GRM8: variants seen among roughly 807,000 people sequenced by gnomAD.
GRM8 encodes glutamate metabotropic receptor 8.
GRM8 carries 47 observed loss-of-function variants against 87.2 expected under a neutral mutation model. The observed-to-expected ratio is 0.54, with a 90% CI of 0.43 to 0.69. The LOEUF is 0.69. Among genes scored for constraint, GRM8 ranks in the 30% least tolerant of loss-of-function variants. GRM8 has a pLI of 0.00. For synonymous variants in GRM8, 396 were observed against 404.5 expected, an observed-to-expected ratio of 0.98 and a Z score of 0.25; for missense variants, 1,019 against 1,139.2, an observed-to-expected ratio of 0.89 and a Z score of 1.52.
At chr7:126,886,041 C>A (rs1434530435) in intron 6 of GRM8, among the ~76,000 whole-genome samples, 5 of 152,024 alleles carry the variant, frequency 3.3e-5, no homozygotes, top group African/African-American at 1.2e-4. Context: ...CACAGATAAC[C>A]CAGGTAACTG....
At chr7:126,519,807 A>C (rs1812709047) in intron 9 of GRM8, among the ~76,000 whole-genome samples, 1 of 152,150 alleles carries the variant, frequency 6.6e-6, no homozygotes, top group African/African-American at 2.4e-5. Context: ...TTCTAAAATA[A>C]GCATCTTAAA....
intron 8 of GRM8, among the ~76,000 whole-genome samples, chr7:126,542,326 C>G (rs1214194162): frequency 6.6e-6 from 1 of 152,168 alleles, no homozygotes; most frequent in Non-Finnish European, 1.5e-5. Context: ...ACTGTACATA[C>G]AGAAAGGAAT....
intron 6 of GRM8, among the ~76,000 whole-genome samples, chr7:126,885,555 A>C (rs1800411478): frequency 6.6e-6 from 1 of 152,164 alleles, no homozygotes. Context: ...CCTGGGAAAC[A>C]GAACACAGGA....
intron 9 of GRM8, among the ~76,000 whole-genome samples, chr7:126,454,505 TA>T (rs1429844344): frequency 1.5e-5 from 2 of 133,398 alleles, no homozygotes; most frequent in Non-Finnish European, 3.2e-5. Flanking sequence ...TTAAAAGTGC[TA>T]TTTTTTTTTT....
chr7:126,773,430 A>G (rs1215764632), intron 6 of GRM8, among the ~76,000 whole-genome samples: 2 of 152,102 alleles, frequency 1.3e-5, no homozygotes, highest in African/African-American at 4.8e-5. Context: ...CAACCCATGG[A>G]ATTCATGTAA....
At chr7:126,762,581 A>G (rs1157942637) in intron 7 of GRM8, among the ~76,000 whole-genome samples, 2 of 152,154 alleles carry the variant, frequency 1.3e-5, no homozygotes, top group African/African-American at 4.8e-5. Context: ...GTATTCAGGC[A>G]TGTTATAATC....
intron 6 of GRM8, among the ~76,000 whole-genome samples, chr7:126,803,157 T>G (rs921968313): frequency 6.6e-6 from 1 of 152,228 alleles, no homozygotes; most frequent in African/African-American, 2.4e-5. Context: ...GGCTTTTCAT[T>G]GTAAATGTTT....
intron 9 of GRM8, among the ~76,000 whole-genome samples, chr7:126,521,063 A>T (rs1454016811): frequency 6.6e-6 from 1 of 152,124 alleles, no homozygotes; most frequent in African/African-American, 2.4e-5. Context: ...CTATCTACCA[A>T]TACTATTTTC....
At chr7:126,604,226 T>C (rs76729771) in intron 8 of GRM8, among the ~76,000 whole-genome samples, 1 of 152,234 alleles carries the variant, frequency 6.6e-6, no homozygotes. Flanking sequence ...CAAAATTCCA[T>C]CAGAAAGTTT....
At chr7:126,675,056 C>T (rs578017581) in intron 7 of GRM8, among the ~76,000 whole-genome samples, 311 of 152,270 alleles carry the variant, frequency 2.0e-3, no homozygotes, top group African/African-American at 7.2e-3. Flanking sequence ...GAAATTCTAA[C>T]CCTAAATGTA....
At chr7:127,022,555 A>G (rs1406815172) in intron 3 of GRM8, among the ~76,000 whole-genome samples, 1 of 151,982 alleles carries the variant, frequency 6.6e-6, no homozygotes, top group East Asian at 1.9e-4. Flanking sequence ...AAGGGAGAAT[A>G]AGGGATTTCG....
intron 9 of GRM8, among the ~76,000 whole-genome samples, chr7:126,460,276 C>T (rs1056028837): frequency 6.6e-6 from 1 of 151,500 alleles, no homozygotes; most frequent in African/African-American, 2.4e-5. Flanking sequence ...GTCACTATAC[C>T]TAGCCAAGAT....
At chr7:127,154,744 T>TA (rs1406865394) in intron 2 of GRM8, among the ~76,000 whole-genome samples, 5 of 152,120 alleles carry the variant, frequency 3.3e-5, no homozygotes, top group South Asian at 2.1e-4. Flanking sequence ...TTTTTTTTTT[T>TA]AACTAATTTC....
At chr7:126,563,297 TA>T (rs59304756) in intron 8 of GRM8, among the ~76,000 whole-genome samples, 1,784 of 149,642 alleles carry the variant, frequency 0.012, 34 homozygotes, top group African/African-American at 0.041. Flanking sequence ...GGTTTTTTTT[TA>T]AAAAAAAAAC....
chr7:126,998,089 G>C (rs1203589761), intron 3 of GRM8, among the ~76,000 whole-genome samples: 1 of 151,734 alleles, frequency 6.6e-6, no homozygotes, highest in African/African-American at 2.4e-5. Context: ...TGACCAAGTG[G>C]GGTTTATCCC....
intron 3 of GRM8, among the ~76,000 whole-genome samples, chr7:126,917,137 G>C (rs1322714587): frequency 1.3e-5 from 2 of 152,042 alleles, no homozygotes; most frequent in African/African-American, 2.4e-5. Context: ...CACCATGCCT[G>C]GCTAATATTT....
chr7:127,194,533 T>C lies in GRM8; in HGVS notation c.510+48162A>G, dbSNP rs763282524. Among the ~76,000 whole-genome samples the C allele has an allele frequency of 2.6e-5, 4 of 152,160 alleles. No homozygotes were observed. In the South Asian group the frequency reaches 8.3e-4, roughly 32 times the overall value. On this transcript the variant is annotated intron_variant, in intron 2 of 10. Coordinates refer to ENST00000339582, the MANE Select transcript of GRM8 (RefSeq NM_000845.3). ...TCTGCATAATAATGAAAGGACAAGG[T>C]ACCTTGCGGATCCTAGGGCATATCT... is the stretch of plus-strand genomic sequence containing the variant.
At chr7:126,563,707 C>T (rs944880220) in intron 8 of GRM8, among the ~76,000 whole-genome samples, 7 of 152,122 alleles carry the variant, frequency 4.6e-5, no homozygotes, top group African/African-American at 1.2e-4. Flanking sequence ...TCCAACTGAA[C>T]CACTTGTGGA....
At chr7:126,926,520 G>T (rs573299458) in intron 3 of GRM8, among the ~76,000 whole-genome samples, 3 of 152,186 alleles carry the variant, frequency 2.0e-5, no homozygotes, top group South Asian at 2.1e-4. Flanking sequence ...CAGTATTTCT[G>T]CCTCCAGTTC....
Sources: gnomAD v4.1 joint callset for allele counts (sites outside exome capture counted in the v4.1 genomes callset) on GRCh38, gnomAD v4.1.1 for gene constraint, MANE v1.5 for transcripts, NCBI Gene and HGNC (gene_info 2026-07-23, HGNC 2026-07-21) for gene names.